IL16: variants seen among roughly 807,000 people sequenced by gnomAD.
The protein encoded by IL16 is interleukin 16.
IL16 carries 67 observed loss-of-function variants against 110.1 expected under a neutral mutation model. The observed-to-expected ratio is 0.61, with a 90% confidence interval of 0.50 to 0.75. The LOEUF is 0.75. Ranked by LOEUF, IL16 falls within the 30% of genes least tolerant of loss-of-function variation. The pLI is 0.00. For synonymous variants in IL16, 689 were observed against 662.9 expected (o/e 1.04, Z -0.61); for missense variants, 1,545 against 1,655.0 (o/e 0.93, Z 1.15).
At chr15:81,185,659 G>T (rs1475872716) in intron 1 of IL16, among the ~76,000 whole-genome samples, 2 of 152,138 alleles carry the variant, frequency 1.3e-5, no homozygotes, top group Non-Finnish European at 2.9e-5. Flanking sequence ...GGGCTCTGGG[G>T]ATCTAATGGG....
At chr15:81,243,165 T>TATATATATATATATATATATA (rs1595985718) in intron 2 of IL16, among the ~76,000 whole-genome samples, 1 of 13,380 alleles carries the variant, frequency 7.5e-5, no homozygotes, top group Non-Finnish European at 1.3e-4. Context: ...ATATATATAT[T>TATATATATATATATATATATA]TTTTTTTTTT....
At chr15:81,264,599 G>A (rs116437696) in intron 3 of IL16, among the ~76,000 whole-genome samples, 1,708 of 152,230 alleles carry the variant, frequency 0.011, 34 homozygotes, top group African/African-American at 0.04. Flanking sequence ...TTTCACAAAA[G>A]CCTGTCCATT....
At chr15:81,276,972 A>C (rs1426442207) in intron 6 of IL16, among the ~76,000 whole-genome samples, 4 of 152,174 alleles carry the variant, frequency 2.6e-5, no homozygotes, top group Non-Finnish European at 5.9e-5. Flanking sequence ...CTATGTTTAA[A>C]ATCATTTTAA....
chr15:81,189,369 C>T (rs1018745454), intron 1 of IL16, among the ~76,000 whole-genome samples: 3 of 152,246 alleles, frequency 2.0e-5, no homozygotes, highest in Non-Finnish European at 4.4e-5. Flanking sequence ...AATGATCCAC[C>T]TGCCTTGGTC....
intron 1 of IL16, among the ~76,000 whole-genome samples, chr15:81,203,949 C>T (rs941476208): frequency 2.6e-5 from 4 of 151,970 alleles, no homozygotes; most frequent in African/African-American, 9.7e-5. Flanking sequence ...TCTTCCTACC[C>T]ATGAGCGTGG....
At chr15:81,290,664 T>C (rs989798305) in intron 11 of IL16, 124 bp downstream of exon 11, 1 of 557,512 alleles carries the variant, frequency 1.8e-6, no homozygotes, top group Non-Finnish European at 3.1e-6. Flanking sequence ...CAGCATAGTA[T>C]GTAGACAAAG....
At chr15:81,267,425 C>A (rs1312030806) in intron 4 of IL16, among the ~76,000 whole-genome samples, 2 of 151,492 alleles carry the variant, frequency 1.3e-5, no homozygotes, top group East Asian at 3.9e-4. Flanking sequence ...GAGACAGAAC[C>A]AATAAGAGAT....
At chr15:81,241,800 G>T (rs1337049444) in intron 2 of IL16, among the ~76,000 whole-genome samples, 1 of 151,768 alleles carries the variant, frequency 6.6e-6, no homozygotes, top group Non-Finnish European at 1.5e-5. Context: ...TCATCGCAAG[G>T]TTCCCTCATG....
chr15:81,296,233 A>G (rs1899977128), intron 12 of IL16, among the ~76,000 whole-genome samples: 1 of 152,124 alleles, frequency 6.6e-6, no homozygotes, highest in Non-Finnish European at 1.5e-5. Flanking sequence ...TACCTTAAGC[A>G]CACTGTGTGA....
intron 1 of IL16, among the ~76,000 whole-genome samples, chr15:81,204,017 C>G (rs1460828256): frequency 6.6e-6 from 1 of 151,272 alleles, no homozygotes; most frequent in Non-Finnish European, 1.5e-5. Context: ...GTTTGTAGTT[C>G]TCCTTGAAGA....
intron 12 of IL16, among the ~76,000 whole-genome samples, chr15:81,293,378 G>A (rs1899833129): frequency 6.6e-6 from 1 of 152,150 alleles, no homozygotes; most frequent in Non-Finnish European, 1.5e-5. Flanking sequence ...ATCTTTGAGT[G>A]TCCTGCTTGT....
rs774053156 is a variant in IL16, at chr15:81,308,792, C to T, written c.3993C>T (p.Asp1331=). 1.1e-5 allele frequency: 17 copies of T among 1,610,662 alleles called. No individual in the cohort carries two copies. In the East Asian group the frequency reaches 1.8e-4, roughly 17 times the overall value. ...LQSKETTAAG[D]S ...CCAAGGAAACCACAGCTGCTGGAGA[C>T]TCCTAGGCAGGACATGCTGAAGCCA... The change falls in exon 19 of 19, where the codon GAC becomes GAT. Residue 1331 remains aspartate, a synonymous_variant. Coordinates refer to ENST00000683961, the MANE Select transcript of IL16 (RefSeq NM_172217.5).
intron 1 of IL16, among the ~76,000 whole-genome samples, chr15:81,224,591 T>C (rs117088029): frequency 1.8e-3 from 275 of 152,356 alleles, no homozygotes; most frequent in Non-Finnish European, 3.5e-3. Context: ...GCACTCATGT[T>C]TGCCAGGAGC....
chr15:81,300,089 GT>G lies in IL16; in HGVS notation c.2764del (p.Ser922ProfsTer21), dbSNP rs766953853. The G allele has an allele frequency of 3.8e-6, 6 of 1,579,236 alleles. No homozygotes were observed. The highest frequency in any genetic ancestry group is 5.2e-6 in the Non-Finnish European group (6 of 1,163,960). On this transcript the variant is annotated frameshift_variant, in exon 14 of 19. Coordinates refer to ENST00000683961, the MANE Select transcript of IL16 (RefSeq NM_172217.5). LOFTEE classifies it high-confidence loss of function. ...AGGCCAGAGACCCAGGTGTGTCTGA[GT>G]CCCCTCCCCCAGGGCGGCAGCCCAA... is the stretch of plus-strand genomic sequence containing the variant. ...SEARDPGVSE[S>X]PPPGRQPNQK... is the part of the protein sequence containing the mutation.
At chr15:81,233,541 A>C (rs2142073024) in intron 2 of IL16, among the ~76,000 whole-genome samples, 1 of 150,912 alleles carries the variant, frequency 6.6e-6, no homozygotes, top group Non-Finnish European at 1.5e-5. Context: ...AAAGAAGAGA[A>C]TGTATTGCGA....
chr15:81,289,044 G>A (rs1899587232), intron 10 of IL16, among the ~76,000 whole-genome samples: 1 of 152,102 alleles, frequency 6.6e-6, no homozygotes, highest in Non-Finnish European at 1.5e-5. Flanking sequence ...TTAAGTTTTT[G>A]AGGAGCCTTC....
At position 81,313,608 on chromosome 15, in the gene IL16, C is replaced by T. The variant is rs1900983956; in HGVS notation, c.*4810C>T. 2.6e-6 allele frequency: 1 copy of T among 390,898 alleles called. No homozygotes were observed. The highest frequency in any genetic ancestry group is 4.4e-6 in the Non-Finnish European group (1 of 225,434). 24.2% of individuals were successfully genotyped at this position (390,898 alleles called of 1,614,324 possible). A position where few individuals can be genotyped will look rare whatever the true frequency, so the allele number is the denominator to read the frequency against. ...AACCCATCCTGTCGGGGATGCATTC[C>T]ACAGCCTCTCCCGGCCTCCAGGGAG... On this transcript the variant is annotated 3_prime_UTR_variant, in exon 19 of 19. Coordinates refer to ENST00000683961, the MANE Select transcript of IL16 (RefSeq NM_172217.5).
At chr15:81,241,037 G>A (rs7179134) in intron 2 of IL16, among the ~76,000 whole-genome samples, 36,024 of 151,644 alleles carry the variant, frequency 0.24, 4,960 homozygotes, top group African/African-American at 0.38. Flanking sequence ...TTGTTCCAGC[G>A]CCCTCTGTTG....
chr15:81,295,335 C>G, intron 12 of IL16: 1 of 1,135,350 alleles, frequency 8.8e-7, no homozygotes, highest in Non-Finnish European at 1.1e-6. Context: ...ATTTCAGGGG[C>G]TAATTCTGAA....
Sources: gnomAD v4.1 joint callset for allele counts (sites outside exome capture counted in the v4.1 genomes callset) on GRCh38, gnomAD v4.1.1 for gene constraint, MANE v1.5 for transcripts, NCBI Gene and HGNC (gene_info 2026-07-23, HGNC 2026-07-21) for gene names.